The following PHACTR4 variants were observed in gnomAD, a reference collection of about 807,000 sequenced individuals.
PHACTR4 encodes the protein protein phosphatase 1, regulatory subunit 124.
Under a neutral mutation model 72.7 loss-of-function variants are expected in PHACTR4, and 51 were observed. The ratio of observed to expected loss-of-function variants is 0.70; its 90% CI spans 0.56 to 0.89. The LOEUF (loss-of-function observed/expected upper bound fraction) is 0.89, where lower values mean the gene tolerates loss of function less well. Among genes scored for constraint, PHACTR4 ranks in the 40% least tolerant of loss-of-function variants. The pLI is 0.00. For missense variants in PHACTR4, 731 were observed against 861.8 expected (o/e 0.85, Z 1.90); for synonymous variants, 255 against 302.5 (o/e 0.84, Z 1.63).
rs935760410 is a variant in PHACTR4, at chr1:28,420,638, CAAAAT to C, written c.16+13180_16+13184del. 6.6e-5 allele frequency among the ~76,000 whole-genome samples: 10 copies of C among 152,118 alleles called. 1 individual carries two copies. The highest frequency in any genetic ancestry group is 2.4e-4 in the African/African-American group (10 of 41,470). ...TGGGTGACAGGATGAGACCCTGTCT[CAAAAT>C]AAAAGAGGATTGTTATCTATAGAAA... On this transcript the variant is annotated intron_variant, in intron 2 of 13. Transcript: ENST00000373839.
intron 1 of PHACTR4, among the ~76,000 whole-genome samples, chr1:28,386,856 T>C (rs1652595304): frequency 6.6e-6 from 1 of 152,196 alleles, no homozygotes; most frequent in South Asian, 2.1e-4. Flanking sequence ...TTTCTTACAC[T>C]AGTGTTGATG....
intron 1 of PHACTR4, among the ~76,000 whole-genome samples, chr1:28,388,431 T>C (rs947576839): frequency 6.6e-6 from 1 of 152,180 alleles, no homozygotes; most frequent in African/African-American, 2.4e-5. Flanking sequence ...TCAATTGATT[T>C]TCGACAAAGA....
At chr1:28,475,002 G>A (rs953959833) in intron 7 of PHACTR4, among the ~76,000 whole-genome samples, 1 of 151,522 alleles carries the variant, frequency 6.6e-6, no homozygotes, top group Non-Finnish European at 1.5e-5. Flanking sequence ...TCAAGCTGGA[G>A]TCAGTGGTGC....
In PHACTR4 at chr1:28,466,494, A is replaced by G. The variant is rs748029319; in HGVS notation, c.549A>G (p.Glu183=). ...RPLSSSHEAS[E]GQAKDATSSG... ...TGTCCTCTTCTCATGAAGCAAGTGAAGGGCAAGCAAAGGATGCCACTTCCT... is the reference window on the plus strand; with the variant it reads ...TGTCCTCTTCTCATGAAGCAAGTGAGGGGCAAGCAAAGGATGCCACTTCCT... The change falls in exon 6 of 14, where the codon GAA becomes GAG. Residue 183 remains glutamate (E), a synonymous_variant. Transcript: ENST00000373839. 3.7e-6 allele frequency: 6 copies of G among 1,614,010 alleles called. No individual in the cohort carries two copies.
At chr1:28,409,050 A>T (rs1302149589) in intron 2 of PHACTR4, among the ~76,000 whole-genome samples, 1 of 151,796 alleles carries the variant, frequency 6.6e-6, no homozygotes, top group Non-Finnish European at 1.5e-5. Context: ...GTAAGTCTAG[A>T]TATACAAAGG....
At chr1:28,453,870 G>A (rs752737635) in intron 2 of PHACTR4, 32 of 860,692 alleles carry the variant, frequency 3.7e-5, no homozygotes, top group Non-Finnish European at 4.9e-5. Context: ...AGTTGCTACT[G>A]GATCAGGACC....
In PHACTR4 at chr1:28,449,278, C is replaced by T. The variant is rs1016605516; in HGVS notation, c.17-9807C>T. The stretch of plus-strand genomic sequence containing the variant: ...GTTTGAGGCTGCACTGTGCCATGAT[C>T]GCGCCCATTAATAGCCACTGTACTC... On this transcript the variant is annotated intron_variant, in intron 2 of 13. Transcript: ENST00000373839. 3.9e-5 allele frequency among the ~76,000 whole-genome samples: 6 copies of T among 152,188 alleles called. No homozygotes were observed. The East Asian group carries it at 7.7e-4, about 20-fold the overall frequency.
chr1:28,451,957 A>C (rs575870679), intron 2 of PHACTR4, among the ~76,000 whole-genome samples: 46 of 152,272 alleles, frequency 3.0e-4, no homozygotes, highest in African/African-American at 1.1e-3. Context: ...GCATTCTTCA[A>C]AACTCTTTAT....
At chr1:28,391,232 T>C (rs1319744412) in intron 1 of PHACTR4, among the ~76,000 whole-genome samples, 4 of 148,414 alleles carry the variant, frequency 2.7e-5, no homozygotes, top group Non-Finnish European at 4.5e-5. Flanking sequence ...ACCCCGTCTC[T>C]ACTAAAAATA....
chr1:28,397,601 ATTAAT>A (rs1274989493), intron 1 of PHACTR4, among the ~76,000 whole-genome samples: 2 of 152,202 alleles, frequency 1.3e-5, no homozygotes, highest in Non-Finnish European at 2.9e-5. Flanking sequence ...ATCTGAGTAG[ATTAAT>A]TTATATTTGT....
At chr1:28,492,065 G>T (rs1320409849) in intron 12 of PHACTR4, among the ~76,000 whole-genome samples, 2 of 152,180 alleles carry the variant, frequency 1.3e-5, no homozygotes, top group Non-Finnish European at 2.9e-5. Flanking sequence ...ATTTCAAACA[G>T]TGGTTGTTTG....
chr1:28,385,908 C>T lies in PHACTR4; in HGVS notation c.-39+16083C>T, dbSNP rs967409210. ...GGGATTACAGACGTAAGCCACCACGCCCGGCTGGTTTTAAGTGAATTTCTT... is the reference window on the plus strand; with the variant it reads ...GGGATTACAGACGTAAGCCACCACGTCCGGCTGGTTTTAAGTGAATTTCTT... On this transcript the variant is annotated intron_variant, in intron 1 of 13. Transcript: ENST00000373839. 5.9e-5 allele frequency among the ~76,000 whole-genome samples: 9 copies of T among 152,116 alleles called. No individual in the cohort carries two copies. The East Asian group carries it at 1.8e-3, about 30-fold the overall frequency.
chr1:28,375,725 G>A (rs970951887), intron 1 of PHACTR4, among the ~76,000 whole-genome samples: 14 of 151,974 alleles, frequency 9.2e-5, no homozygotes, highest in Non-Finnish European at 2.1e-4. Flanking sequence ...AAAGAGAGAA[G>A]GGAATGGATG....
At chr1:28,375,694 T>C (rs1651602622) in intron 1 of PHACTR4, among the ~76,000 whole-genome samples, 1 of 151,864 alleles carries the variant, frequency 6.6e-6, no homozygotes, top group Non-Finnish European at 1.5e-5. Context: ...TTTCAAAAAA[T>C]AAGTAAATAA....
At chr1:28,448,398 AAAAG>A (rs1657631544) in intron 2 of PHACTR4, among the ~76,000 whole-genome samples, 1 of 149,118 alleles carries the variant, frequency 6.7e-6, no homozygotes, top group African/African-American at 2.5e-5. Context: ...AAAAGAAAAG[AAAAG>A]AAAGGAAAGG....
At chr1:28,467,461 A>G (rs1013927782) in intron 6 of PHACTR4, among the ~76,000 whole-genome samples, 1 of 151,904 alleles carries the variant, frequency 6.6e-6, no homozygotes, top group East Asian at 1.9e-4. Context: ...TTCCACCTGC[A>G]TGGAATTATC....
chr1:28,380,326 G>A (rs1167719681), intron 1 of PHACTR4, among the ~76,000 whole-genome samples: 7 of 152,172 alleles, frequency 4.6e-5, no homozygotes, highest in Non-Finnish European at 8.8e-5. Flanking sequence ...AAAGTGCTGG[G>A]ATTACAGGCG....
chr1:28,473,603 C>A lies in PHACTR4; in HGVS notation c.873C>A (p.Ser291=). ...INSGTLLSKP[S]PPLPPKRGIP... ...GTGGTACATTGTTATCAAAACCGTC[C>A]CCACCCTTACCACCTAAGAGAGGCA... Residue 291 remains serine, a synonymous_variant, in exon 7 of 14, where the codon TCC becomes TCA. Transcript: ENST00000373839. 1 of 1,613,888 alleles carries A rather than the reference C, an allele frequency of 6.2e-7. No individual in the cohort carries two copies. The highest frequency in any genetic ancestry group is 8.5e-7 in the Non-Finnish European group (1 of 1,179,886).
chr1:28,476,608 G>A (rs1659936155), intron 8 of PHACTR4, among the ~76,000 whole-genome samples: 1 of 146,764 alleles, frequency 6.8e-6, no homozygotes, highest in African/African-American at 2.5e-5. Flanking sequence ...TGGTGCAATC[G>A]TCGCTCACTG....
Sources: allele counts gnomAD v4.1 joint callset (sites outside exome capture counted in the v4.1 genomes callset), GRCh38; gene constraint gnomAD v4.1.1; transcripts MANE v1.5; gene names NCBI Gene and HGNC (gene_info 2026-07-23, HGNC 2026-07-21).